The following ST6GALNAC3 variants were observed in gnomAD, a reference collection of about 807,000 sequenced individuals.
The protein encoded by ST6GALNAC3 is alpha-N-acetylgalactosaminide alpha-2,6-sialyltransferase 3.
Under a neutral mutation model 32.7 loss-of-function variants are expected in ST6GALNAC3, and 25 were observed. That is an observed-to-expected ratio of 0.76 (90% CI 0.56 to 1.07). ST6GALNAC3 has a LOEUF of 1.07. Among genes scored for constraint, ST6GALNAC3 ranks in the 50% least tolerant of loss-of-function variants. The pLI, the probability that ST6GALNAC3 is intolerant of heterozygous loss-of-function variation, is 0.00. For synonymous variants in ST6GALNAC3, 129 were observed against 133.1 expected (o/e 0.97, Z 0.21); for missense variants, 355 against 382.4 (o/e 0.93, Z 0.60).
At chr1:76,461,048 A>G (rs999068537) in intron 3 of ST6GALNAC3, among the ~76,000 whole-genome samples, 1 of 152,222 alleles carries the variant, frequency 6.6e-6, no homozygotes, top group African/African-American at 2.4e-5. Context: ...TATTTATTGA[A>G]GTAAATTCAT....
chr1:76,183,924 T>TTA (rs1164615728), intron 1 of ST6GALNAC3, among the ~76,000 whole-genome samples: 1 of 148,414 alleles, frequency 6.7e-6, no homozygotes, highest in Non-Finnish European at 1.5e-5. Context: ...ACTTTTATTA[T>TTA]TATATATATA....
intron 1 of ST6GALNAC3, among the ~76,000 whole-genome samples, chr1:76,113,200 G>A (rs1489027421): frequency 3.3e-5 from 5 of 152,144 alleles, no homozygotes; most frequent in Non-Finnish European, 5.9e-5. Flanking sequence ...CCAGTCAGGC[G>A]TGGCGGCGCG....
chr1:76,326,588 TA>T (rs1647074478), intron 2 of ST6GALNAC3, among the ~76,000 whole-genome samples: 2 of 152,096 alleles, frequency 1.3e-5, no homozygotes, highest in Admixed American at 6.6e-5. Flanking sequence ...AGTAATTTGC[TA>T]AAAAAGACTA....
At chr1:76,226,185 G>A (rs917925940) in intron 1 of ST6GALNAC3, among the ~76,000 whole-genome samples, 1 of 152,324 alleles carries the variant, frequency 6.6e-6, no homozygotes, top group Non-Finnish European at 1.5e-5. Context: ...GCAGATAGTA[G>A]AGGGTGTGAA....
chr1:76,455,166 T>G (rs1165966223), intron 3 of ST6GALNAC3, among the ~76,000 whole-genome samples: 2 of 152,166 alleles, frequency 1.3e-5, no homozygotes, highest in African/African-American at 4.8e-5. Flanking sequence ...CAACCTGTTC[T>G]TATTTTATGG....
At chr1:76,497,159 T>C (rs1660900927) in intron 3 of ST6GALNAC3, among the ~76,000 whole-genome samples, 1 of 152,116 alleles carries the variant, frequency 6.6e-6, no homozygotes, top group African/African-American at 2.4e-5. Flanking sequence ...CCACAAGATT[T>C]GGAGTGGGAG....
intron 1 of ST6GALNAC3, among the ~76,000 whole-genome samples, chr1:76,263,096 G>A (rs1658335903): frequency 6.6e-6 from 1 of 152,038 alleles, no homozygotes; most frequent in Admixed American, 6.6e-5. Flanking sequence ...ATATTTTCAG[G>A]TGACTCAGTT....
intron 1 of ST6GALNAC3, among the ~76,000 whole-genome samples, chr1:76,251,606 A>G (rs1308621552): frequency 3.3e-5 from 5 of 152,134 alleles, no homozygotes; most frequent in African/African-American, 7.2e-5. Context: ...TAGTCATTCT[A>G]TAAGTTCCCC....
chr1:76,280,292 G>A (rs1659423837), intron 1 of ST6GALNAC3, among the ~76,000 whole-genome samples: 2 of 152,012 alleles, frequency 1.3e-5, no homozygotes, highest in Non-Finnish European at 2.9e-5. Context: ...AATATATTTG[G>A]GGTATATTCT....
At chr1:76,177,554 G>C (rs1482167603) in intron 1 of ST6GALNAC3, among the ~76,000 whole-genome samples, 1 of 152,160 alleles carries the variant, frequency 6.6e-6, no homozygotes, top group Non-Finnish European at 1.5e-5. Flanking sequence ...CGCAGGAGAA[G>C]AAGTGTTCAG....
intron 1 of ST6GALNAC3, among the ~76,000 whole-genome samples, chr1:76,111,811 A>G (rs1331023360): frequency 1.3e-5 from 2 of 151,650 alleles, no homozygotes; most frequent in Non-Finnish European, 2.9e-5. Flanking sequence ...AGTACAGAAC[A>G]AAATGAAAAG....
intron 1 of ST6GALNAC3, among the ~76,000 whole-genome samples, chr1:76,161,637 C>T (rs538036230): frequency 6.6e-6 from 1 of 152,306 alleles, no homozygotes; most frequent in African/African-American, 2.4e-5. Context: ...TCTTAAAGTA[C>T]TTGCTGGGAA....
chr1:76,599,719 TGTG>T (rs764314411), intron 3 of ST6GALNAC3, among the ~76,000 whole-genome samples: 9,664 of 35,816 alleles, frequency 0.27, 324 homozygotes, highest in Middle Eastern at 0.48. Context: ...TACCGTATCG[TGTG>T]TGTGTGTGTG....
chr1:76,494,775 A>C (rs11802315), intron 3 of ST6GALNAC3, among the ~76,000 whole-genome samples: 5,474 of 150,896 alleles, frequency 0.036, 377 homozygotes, highest in African/African-American at 0.13. Context: ...ACACATATAT[A>C]TGTAGGAAGA....
chr1:76,222,527 G>A (rs951552985), intron 1 of ST6GALNAC3, among the ~76,000 whole-genome samples: 2 of 152,052 alleles, frequency 1.3e-5, no homozygotes, highest in African/African-American at 4.8e-5. Context: ...TATTCAGTAT[G>A]TATAAGGAAT....
intron 3 of ST6GALNAC3, among the ~76,000 whole-genome samples, chr1:76,508,838 C>T (rs994652576): frequency 1.3e-5 from 2 of 152,140 alleles, no homozygotes; most frequent in Admixed American, 6.5e-5. Context: ...CAGCTGATTT[C>T]TGAGAAACTG....
At chr1:76,489,244 T>C (rs931727817) in intron 3 of ST6GALNAC3, among the ~76,000 whole-genome samples, 1 of 152,168 alleles carries the variant, frequency 6.6e-6, no homozygotes, top group East Asian at 1.9e-4. Flanking sequence ...ATTGAACTTA[T>C]TTGGAAGTAT....
chr1:76,437,041 T>C (rs903072898), intron 3 of ST6GALNAC3, among the ~76,000 whole-genome samples: 1 of 152,140 alleles, frequency 6.6e-6, no homozygotes, highest in Non-Finnish European at 1.5e-5. Context: ...TCAGCTGACC[T>C]ACTTGTTTAA....
At chr1:76,335,594 G>A (rs796786443) in intron 2 of ST6GALNAC3, among the ~76,000 whole-genome samples, 1 of 152,276 alleles carries the variant, frequency 6.6e-6, no homozygotes, top group African/African-American at 2.4e-5. Context: ...CCACACAGAC[G>A]TTGGCCCTGG....
Sources: gnomAD v4.1 joint callset for allele counts (sites outside exome capture counted in the v4.1 genomes callset) on GRCh38, gnomAD v4.1.1 for gene constraint, MANE v1.5 for transcripts, NCBI Gene and HGNC (gene_info 2026-07-23, HGNC 2026-07-21) for gene names.